ZNF608: variants seen among roughly 807,000 people sequenced by gnomAD.
The protein encoded by ZNF608 is zinc finger protein 608.
In ZNF608, 12 loss-of-function variants were observed where a neutral mutation model predicts 109.0. That is an observed-to-expected ratio of 0.11 (90% CI 0.07 to 0.18). ZNF608 has a LOEUF of 0.18. Among genes scored for constraint, ZNF608 ranks in the 10% least tolerant of loss-of-function variants. The pLI is 1.00. For synonymous variants in ZNF608, 732 were observed against 717.4 expected, an observed-to-expected ratio of 1.02 and a Z score of -0.33; for missense variants, 1,707 against 1,879.3, an observed-to-expected ratio of 0.91 and a Z score of 1.70.
intron 3 of ZNF608, among the ~76,000 whole-genome samples, chr5:124,666,980 C>T (rs146434410): frequency 1.6e-3 from 246 of 152,022 alleles, no homozygotes; most frequent in Non-Finnish European, 2.8e-3. Flanking sequence ...AATGTAGGTG[C>T]GTGGAATCAA....
rs1750639657 is a variant in ZNF608, at chr5:124,648,502, G to C, written c.1882C>G (p.Pro628Ala). ...AYDQLKAPAS[P>A]GAGNPPGTPK... ...GTCCCAGGTGGGTTTCCAGCACCAGGGGATGCCGGTGCCTTCAACTGGTCA... is the reference window on the plus strand; with the variant it reads ...GTCCCAGGTGGGTTTCCAGCACCAGCGGATGCCGGTGCCTTCAACTGGTCA... Residue 628 changes from proline to alanine, a missense_variant, in exon 5 of 10, where the codon CCT becomes GCT. Pro to Ala is a conservative substitution (Grantham distance 27). Transcript: ENST00000513986. 6.2e-7 allele frequency: 1 copy of C among 1,614,060 alleles called. No homozygotes were observed. Among genetic ancestry groups the C allele is most frequent in the South Asian group, 1.1e-5 (1 of 91,086 alleles).
intron 2 of ZNF608, among the ~76,000 whole-genome samples, chr5:124,710,950 A>T (rs1261867313): frequency 6.6e-6 from 1 of 152,188 alleles, no homozygotes; most frequent in Non-Finnish European, 1.5e-5. Flanking sequence ...CTACAGCTCT[A>T]GAGAAAGGCA....
In ZNF608 at chr5:124,656,747, T is replaced by A. The variant is rs79361484; in HGVS notation, c.1163-7050A>T. On this transcript the variant is annotated intron_variant, in intron 3 of 9. Transcript: ENST00000513986. ...TATACAATCTATGGAAATCCTTTTT[T>A]AAAAAAAAAATCTGAAAGGATTTTC... 1.1e-3 allele frequency among the ~76,000 whole-genome samples: 155 copies of A among 145,208 alleles called. 1 individual carries two copies. Among genetic ancestry groups the A allele is most frequent in the African/African-American group, 2.6e-3 (104 of 39,336 alleles).
At chr5:124,738,257 TCAA>T (rs1324440935) in intron 2 of ZNF608, among the ~76,000 whole-genome samples, 1 of 152,198 alleles carries the variant, frequency 6.6e-6, no homozygotes, top group Non-Finnish European at 1.5e-5. Flanking sequence ...TGATCATTTA[TCAA>T]CAAGAATCCT....
intron 3 of ZNF608, among the ~76,000 whole-genome samples, chr5:124,696,273 T>A (rs1367434988): frequency 1.3e-5 from 2 of 152,032 alleles, no homozygotes; most frequent in African/African-American, 4.8e-5. Flanking sequence ...CCAAAATCAG[T>A]TTCCTTCCTT....
In ZNF608 at chr5:124,648,899, G is replaced by A. The variant is rs1420949618; in HGVS notation, c.1485C>T (p.Ser495=). The change falls in exon 5 of 10, where the codon TCC becomes TCT. Residue 495 remains serine, a synonymous_variant. Coordinates refer to ENST00000513986, the MANE Select transcript of ZNF608 (RefSeq NM_020747.3). ...GCTTGTTTTTCCTTTTGTTGGTGGA[G>A]GAAGGGCTGGCTTTGATATCCTCAG... ...CAAEDIKASP[S]STNKRKNKPP... The A allele has an allele frequency of 6.2e-7, 1 of 1,613,952 alleles. No individual in the cohort carries two copies. The highest frequency in any genetic ancestry group is 8.5e-7 in the Non-Finnish European group (1 of 1,179,986).
At chr5:124,657,748 T>C (rs1329681095) in intron 3 of ZNF608, among the ~76,000 whole-genome samples, 1 of 152,142 alleles carries the variant, frequency 6.6e-6, no homozygotes, top group African/African-American at 2.4e-5. Context: ...AAAGACATGC[T>C]TTACTTCTTT....
In ZNF608 at chr5:124,746,310, A is replaced by C; in HGVS notation, c.-299T>G. ...TTAAACACCAAATGATCAAGAAGGA[A>C]GAAACCAAATAACACATCTCAGCCA... On this transcript the variant is annotated 5_prime_UTR_variant, in exon 1 of 10. Coordinates refer to ENST00000513986, the MANE Select transcript of ZNF608 (RefSeq NM_020747.3). 1 of 985,434 alleles carries C rather than the reference A, an allele frequency of 1.0e-6. No individual in the cohort carries two copies. Among genetic ancestry groups the C allele is most frequent in the South Asian group, 4.7e-5 (1 of 21,284 alleles). 61.0% of individuals were successfully genotyped at this position (985,434 alleles called of 1,614,324 possible).
intron 3 of ZNF608, among the ~76,000 whole-genome samples, chr5:124,682,605 A>G (rs535326372): frequency 6.6e-6 from 1 of 152,210 alleles, no homozygotes; most frequent in Non-Finnish European, 1.5e-5. Context: ...AAAAGATAAA[A>G]CATATAGAAC....
intron 5 of ZNF608, 98 bp downstream of exon 5, chr5:124,646,580 CT>C: frequency 7.0e-7 from 1 of 1,430,162 alleles, no homozygotes; most frequent in Non-Finnish European, 9.3e-7. Flanking sequence ...ATATGGGTTT[CT>C]TTCCTGTGTC....
chr5:124,731,418 G>A (rs1029895826), intron 2 of ZNF608, among the ~76,000 whole-genome samples: 1 of 150,294 alleles, frequency 6.7e-6, no homozygotes, highest in Non-Finnish European at 1.5e-5. Context: ...TCACCATGTT[G>A]GTCAGGCTGG....
In ZNF608 at chr5:124,745,166, C is replaced by G. The variant is rs1749592203; in HGVS notation, c.-177G>C. The G allele has an allele frequency of 1.4e-6, 2 of 1,404,534 alleles. No individual in the cohort carries two copies. The highest frequency in any genetic ancestry group is 3.2e-5 in the Admixed American group (1 of 31,064). The allele number at this position is 1,404,534 out of a possible 1,614,324, so 87.0% of individuals were successfully genotyped here. A position where few individuals can be genotyped will look rare whatever the true frequency, so the allele number is the denominator to read the frequency against. ...ATTTTACACCCTCAGTCCAGGTCCA[C>G]CTTTTCCTGTGAAGGGGGGGGGAAA... is the stretch of plus-strand genomic sequence containing the variant. On this transcript the variant is annotated 5_prime_UTR_variant, in exon 2 of 10. Coordinates refer to ENST00000513986, the MANE Select transcript of ZNF608 (RefSeq NM_020747.3).
At chr5:124,678,362 T>A (rs1409300807) in intron 3 of ZNF608, among the ~76,000 whole-genome samples, 1 of 152,212 alleles carries the variant, frequency 6.6e-6, no homozygotes, top group Non-Finnish European at 1.5e-5. Context: ...TAATTAACTA[T>A]GGAAATCCAC....
rs1445554012 is a variant in ZNF608, at chr5:124,745,179, A to G, written c.-183-7T>C. 5.8e-6 allele frequency: 8 copies of G among 1,377,086 alleles called. No individual in the cohort carries two copies. The highest frequency in any genetic ancestry group is 7.5e-6 in the Non-Finnish European group (8 of 1,068,526). 85.3% of individuals were successfully genotyped at this position (1,377,086 alleles called of 1,614,324 possible). A position where few individuals can be genotyped will look rare whatever the true frequency, so the allele number is the denominator to read the frequency against. On this transcript the variant is annotated splice_polypyrimidine_tract_variant and splice_region_variant and intron_variant, in intron 1 of 9. Coordinates refer to ENST00000513986, the MANE Select transcript of ZNF608 (RefSeq NM_020747.3). ...AGTCCAGGTCCACCTTTTCCTGTGA[A>G]GGGGGGGGGAAAAGTCGAATATTTC...
At position 124,744,964 on chromosome 5, in the gene ZNF608, C is replaced by T. The variant is rs760985991; in HGVS notation, c.26G>A (p.Gly9Glu). The T allele has an allele frequency of 6.2e-7, 1 of 1,612,340 alleles. No individual in the cohort carries two copies. The highest frequency in any genetic ancestry group is 8.5e-7 in the Non-Finnish European group (1 of 1,179,012). Residue 9 changes from glycine to glutamate, a missense_variant, in exon 2 of 10, where the codon GGA becomes GAA. Gly to Glu is a moderately conservative substitution (Grantham distance 98). This residue lies in a region of ZNF608 where 18 missense variants were observed against 20.9 expected (regional missense o/e 0.86). Coordinates refer to ENST00000513986, the MANE Select transcript of ZNF608 (RefSeq NM_020747.3). This position sits in a 1 kb window ranked among gnomAD's most constrained non-coding sequence, Gnocchi z 4.5. MSVNISTAGKGVDPNTVDT... is the reference protein window; with the variant it reads MSVNISTAEKGVDPNTVDT... ...AACTGTATTTGGATCCACACCTTTT[C>T]CTGCAGTAGAAATGTTCACTGACAT... is the stretch of plus-strand genomic sequence containing the variant.
At chr5:124,672,096 T>G (rs1461086860) in intron 3 of ZNF608, among the ~76,000 whole-genome samples, 2 of 152,200 alleles carry the variant, frequency 1.3e-5, no homozygotes, top group African/African-American at 2.4e-5. Context: ...TACCGAGTAA[T>G]ACAACATAAA....
At chr5:124,644,037 G>A (rs1750376906) in intron 6 of ZNF608, among the ~76,000 whole-genome samples, 1 of 152,120 alleles carries the variant, frequency 6.6e-6, no homozygotes, top group Admixed American at 6.5e-5. Flanking sequence ...CAGACCATCA[G>A]AGACTATGGA....
intron 2 of ZNF608, among the ~76,000 whole-genome samples, chr5:124,729,648 T>C (rs533943717): frequency 8.9e-4 from 136 of 152,358 alleles, no homozygotes; most frequent in African/African-American, 3.2e-3. Flanking sequence ...AGTATATATA[T>C]CTATGTGTGT....
chr5:124,668,606 C>G (rs1415234858), intron 3 of ZNF608, among the ~76,000 whole-genome samples: 1 of 152,164 alleles, frequency 6.6e-6, no homozygotes, highest in African/African-American at 2.4e-5. Context: ...CCTTTGCCCC[C>G]ACACAGCAGC....
Sources: gnomAD v4.1 joint callset for allele counts (sites outside exome capture counted in the v4.1 genomes callset) on GRCh38, gnomAD v4.1.1 for gene constraint, gnomAD v4.1.1 regional missense constraint, Gnocchi (gnomAD v3.1) non-coding constraint, MANE v1.5 for transcripts, NCBI Gene and HGNC (gene_info 2026-07-23, HGNC 2026-07-21) for gene names.